Variants in AHI1 observed in about 807,000 individuals in gnomAD.
The protein encoded by AHI1 is jouberin.
Under a neutral mutation model 149.3 loss-of-function variants are expected in AHI1, and 123 were observed. The ratio of observed to expected loss-of-function variants is 0.82; its 90% CI spans 0.71 to 0.96. The LOEUF (loss-of-function observed/expected upper bound fraction) is 0.96. Ranked by LOEUF, AHI1 falls within the 40% of genes least tolerant of loss-of-function variation. AHI1 has a pLI of 0.00. For synonymous variants in AHI1, 475 were observed against 459.8 expected (o/e 1.03, Z -0.42); for missense variants, 1,439 against 1,422.7 (o/e 1.01, Z -0.18).
intron 20 of AHI1, among the ~76,000 whole-genome samples, chr6:135,415,238 A>G (rs1032398261): frequency 6.6e-6 from 1 of 151,940 alleles, no homozygotes; most frequent in Non-Finnish European, 1.5e-5. Context: ...GTTGGTTCCA[A>G]GTCTTTCCTA....
At chr6:135,367,423 G>A (rs748039746) in intron 23 of AHI1, among the ~76,000 whole-genome samples, 5 of 152,004 alleles carry the variant, frequency 3.3e-5, no homozygotes, top group African/African-American at 4.8e-5. Context: ...GACCAGGGAC[G>A]TTTCCCTAGA....
At chr6:135,417,056 C>A (rs980455530) in intron 20 of AHI1, among the ~76,000 whole-genome samples, 2 of 151,962 alleles carry the variant, frequency 1.3e-5, no homozygotes, top group African/African-American at 4.8e-5. Flanking sequence ...AACTTTAAAG[C>A]TGTAAAAGAA....
intron 23 of AHI1, among the ~76,000 whole-genome samples, chr6:135,389,065 C>T (rs1243270280): frequency 6.6e-6 from 1 of 151,848 alleles, no homozygotes; most frequent in African/African-American, 2.4e-5. Flanking sequence ...AATCCCAGCA[C>T]TTTGGGAGGC....
Position 135,312,633 on chromosome 6 carries a change from T to C in AHI1, c.3426+5886A>G, listed in dbSNP as rs114139825. Among the ~76,000 whole-genome samples, 1,346 of 152,310 alleles carry C rather than the reference T, an allele frequency of 8.8e-3. 23 individuals are homozygous for C. Among genetic ancestry groups the C allele is most frequent in the African/African-American group, 0.031 (1,283 of 41,560 alleles). ...AAACCAGTGTGATACAGAACCTGGC[T>C]AACTGTGCAGGTACCAACTGTATGT... On this transcript the variant is annotated intron_variant, in intron 26 of 28. Transcript: ENST00000265602.
Position 135,364,961 on chromosome 6 carries a change from G to GGGAGC in AHI1, c.3110-6779_3110-6775dup, listed in dbSNP as rs1192036341. ...AGGGAGAGGGAGAGGGAGTGGGAGC[G>GGGAGC]GGAGCGTCTTTCATCCATCTTGAGT... is the stretch of plus-strand genomic sequence containing the variant. On this transcript the variant is annotated intron_variant, in intron 23 of 28. Transcript: ENST00000265602. 2.0e-3 allele frequency among the ~76,000 whole-genome samples: 302 copies of GGGAGC among 152,010 alleles called. 4 individuals are homozygous for GGGAGC. The highest frequency in any genetic ancestry group is 6.7e-3 in the African/African-American group (276 of 41,392).
chr6:135,336,150 A>C (rs1220259693), intron 24 of AHI1, among the ~76,000 whole-genome samples: 2 of 151,914 alleles, frequency 1.3e-5, no homozygotes, highest in African/African-American at 2.4e-5. Context: ...CATATTTATA[A>C]ATACAGACAT....
chr6:135,375,459 C>T (rs2746432), intron 23 of AHI1, among the ~76,000 whole-genome samples: 90,114 of 152,000 alleles, frequency 0.59, 26,778 homozygotes, highest in Middle Eastern at 0.72. Flanking sequence ...CAAGTACATA[C>T]GGTTTATGAA....
intron 26 of AHI1, chr6:135,301,585 T>G (rs1031112153): frequency 1.0e-6 from 1 of 985,448 alleles, no homozygotes; most frequent in Non-Finnish European, 1.2e-6. Context: ...GAGGATATTA[T>G]GCTTTTCTGG....
intron 28 of AHI1, among the ~76,000 whole-genome samples, chr6:135,287,233 T>C (rs915947717): frequency 6.6e-6 from 1 of 152,126 alleles, no homozygotes; most frequent in Admixed American, 6.5e-5. Context: ...GTGACTGCAC[T>C]GTGAGAAGTA....
rs1379464592 is a variant in AHI1 at position 135,283,706 on chromosome 6, C to T, written c.*1939G>A. ...CATCTTTTATTAATCTATTCATGAA[C>T]ATAACCCTAGTCTTACTTTGTCAGC... On this transcript the variant is annotated 3_prime_UTR_variant, in exon 29 of 29. Transcript: ENST00000265602. The T allele has an allele frequency of 6.6e-6, 1 of 152,190 alleles. No individual in the cohort carries two copies. The highest frequency in any genetic ancestry group is 1.5e-5 in the Non-Finnish European group (1 of 68,036). 9.4% of individuals were successfully genotyped at this position (152,190 alleles called of 1,614,324 possible). A position where few individuals can be genotyped will look rare whatever the true frequency, so the allele number is the denominator to read the frequency against.
intron 23 of AHI1, 69 bp downstream of exon 23, chr6:135,394,707 A>C: frequency 6.3e-7 from 1 of 1,574,978 alleles, no homozygotes; most frequent in Non-Finnish European, 8.7e-7. Context: ...TAAAGAAATA[A>C]GTGATATTCA....
At chr6:135,335,110 CTT>C (rs1789182180) in intron 24 of AHI1, among the ~76,000 whole-genome samples, 1 of 152,150 alleles carries the variant, frequency 6.6e-6, no homozygotes, top group African/African-American at 2.4e-5. Flanking sequence ...ACTGGCCAAA[CTT>C]ACGAAATTAA....
chr6:135,472,563 T>C (rs1562254991), intron 5 of AHI1, among the ~76,000 whole-genome samples: 1 of 152,244 alleles, frequency 6.6e-6, no homozygotes, highest in Non-Finnish European at 1.5e-5. Flanking sequence ...ATTAAACAAT[T>C]GCCAAACAGC....
intron 24 of AHI1, among the ~76,000 whole-genome samples, chr6:135,351,934 C>A (rs892067025): frequency 6.6e-6 from 1 of 152,206 alleles, no homozygotes; most frequent in Non-Finnish European, 1.5e-5. Context: ...TGACTTCCCA[C>A]AACCTAGGCC....
intron 24 of AHI1, among the ~76,000 whole-genome samples, chr6:135,337,564 A>C (rs1023187335): frequency 1.3e-5 from 2 of 151,314 alleles, no homozygotes; most frequent in Non-Finnish European, 3.0e-5. Context: ...TTTGAGACCA[A>C]CCTGGGCAAC....
At position 135,466,069 on chromosome 6, in the gene AHI1, A is replaced by G. The variant is rs752849891; in HGVS notation, c.494T>C (p.Val165Ala). 7 of 1,613,752 alleles carry G rather than the reference A, an allele frequency of 4.3e-6. No homozygotes were observed. The highest frequency in any genetic ancestry group is 2.7e-5 in the African/African-American group (2 of 74,888). ...QKTHTKPQPG[V>A]DHQKSEKANE... ...TGCCTTCTCACTTTTCTGATGATCAACGCCTGGCTGTGGCTTTGTATGTGT... is the reference window on the plus strand; with the variant it reads ...TGCCTTCTCACTTTTCTGATGATCAGCGCCTGGCTGTGGCTTTGTATGTGT... The change falls in exon 7 of 29, where the codon GTT (valine) becomes GCT (alanine). Residue 165 changes from valine (V) to alanine (A), a missense_variant. Val to Ala is a moderately conservative substitution (Grantham distance 64, BLOSUM62 0). Coordinates refer to ENST00000265602, the MANE Select transcript of AHI1 (RefSeq NM_001134831.2).
At chr6:135,423,840 A>G (rs765103033) in intron 20 of AHI1, among the ~76,000 whole-genome samples, 1 of 152,062 alleles carries the variant, frequency 6.6e-6, no homozygotes, top group Non-Finnish European at 1.5e-5. Flanking sequence ...TTCAGAGGAG[A>G]CATTGCCACC....
At position 135,490,677 on chromosome 6, in the gene AHI1, C is replaced by T. The variant is rs1398133985; in HGVS notation, c.81G>A (p.Met27Ile). Residue 27 changes from methionine (M) to isoleucine (I), a missense_variant, in exon 5 of 29, where the codon ATG becomes ATA. Met to Ile is a conservative substitution (Grantham distance 10). Transcript: ENST00000265602. ...TTTTCTTCAGTTTTTTCTTTTCACG[C>T]ATTAGATCACTGTGGGTCTTAAGCA... is the stretch of plus-strand genomic sequence containing the variant. ...EELLKTHSDL[M>I]REKKKLKKKL... The T allele has an allele frequency of 1.9e-6, 3 of 1,613,362 alleles. 1 individual carries two copies. The South Asian group carries it at 3.3e-5, about 18-fold the overall frequency.
intron 21 of AHI1, among the ~76,000 whole-genome samples, chr6:135,405,859 C>CAAAAAAAAAAAA (rs543403253): frequency 6.9e-5 from 2 of 29,166 alleles, no homozygotes; most frequent in Non-Finnish European, 1.5e-4. Flanking sequence ...GACTCCAACT[C>CAAAAAAAAAAAA]AAAAAAAAAA....
Sources: allele counts gnomAD v4.1 joint callset (sites outside exome capture counted in the v4.1 genomes callset), GRCh38; gene constraint gnomAD v4.1.1; transcripts MANE v1.5; gene names NCBI Gene and HGNC (gene_info 2026-07-23, HGNC 2026-07-21).